The following MIPOL1 variants were observed in gnomAD, a reference collection of about 807,000 sequenced individuals.
The protein encoded by MIPOL1 is mirror-image polydactyly 1.
MIPOL1 carries 57 observed loss-of-function variants against 60.9 expected under a neutral mutation model. The observed-to-expected ratio is 0.94, with a 90% CI of 0.76 to 1.17. MIPOL1 has a LOEUF of 1.17. MIPOL1 is among the 50% of genes most tolerant of loss of function. The pLI is 0.00. For synonymous variants in MIPOL1, 179 were observed against 168.8 expected (o/e 1.06, Z -0.47); for missense variants, 551 against 511.6 (o/e 1.08, Z -0.74).
At chr14:37,545,805 C>G (rs1272695451) in intron 12 of MIPOL1, 1 of 521,446 alleles carries the variant, frequency 1.9e-6, no homozygotes, top group Non-Finnish European at 3.4e-6. Context: ...CTCATTCCTT[C>G]AGTGTCTAGC....
chr14:37,248,760 A>G (rs1411832592), intron 3 of MIPOL1, among the ~76,000 whole-genome samples: 1 of 152,130 alleles, frequency 6.6e-6, no homozygotes, highest in East Asian at 1.9e-4. Context: ...ACAGACATGT[A>G]TATATGCAGA....
intron 7 of MIPOL1, among the ~76,000 whole-genome samples, chr14:37,306,330 A>G (rs1411443992): frequency 6.6e-6 from 1 of 151,852 alleles, no homozygotes. Context: ...TCCTGGTCAT[A>G]TAAAATTCTT....
chr14:37,229,246 C>T (rs1970249966), intron 1 of MIPOL1, among the ~76,000 whole-genome samples: 1 of 152,106 alleles, frequency 6.6e-6, no homozygotes, highest in Non-Finnish European at 1.5e-5. Context: ...AACCTCCTCC[C>T]TGGCTCAAGT....
intron 3 of MIPOL1, among the ~76,000 whole-genome samples, chr14:37,248,145 A>G (rs1973475386): frequency 6.6e-6 from 1 of 151,924 alleles, no homozygotes; most frequent in African/African-American, 2.4e-5. Context: ...CAGAGGAGAC[A>G]CAGAAAAGAC....
intron 9 of MIPOL1, among the ~76,000 whole-genome samples, chr14:37,345,366 A>G (rs557766193): frequency 6.6e-6 from 1 of 152,274 alleles, no homozygotes; most frequent in Non-Finnish European, 1.5e-5. Flanking sequence ...TTGCCTCCCA[A>G]AGTTCTGGGA....
chr14:37,236,524 C>T (rs1276699313), intron 1 of MIPOL1, among the ~76,000 whole-genome samples: 1 of 151,908 alleles, frequency 6.6e-6, no homozygotes, highest in African/African-American at 2.4e-5. Flanking sequence ...GCAGCCTCTG[C>T]CTCCCGGGTT....
intron 11 of MIPOL1, among the ~76,000 whole-genome samples, chr14:37,469,709 A>G (rs1284857362): frequency 6.6e-6 from 1 of 152,182 alleles, no homozygotes; most frequent in East Asian, 1.9e-4. Context: ...CTCTGCCCTC[A>G]TGAATTGCTT....
At chr14:37,474,207 G>T (rs2153592245) in intron 11 of MIPOL1, among the ~76,000 whole-genome samples, 1 of 152,214 alleles carries the variant, frequency 6.6e-6, no homozygotes, top group East Asian at 1.9e-4. Context: ...GGGAAATTAT[G>T]AATAAAACTA....
At chr14:37,417,316 A>G (rs2093787921) in intron 10 of MIPOL1, among the ~76,000 whole-genome samples, 1 of 152,082 alleles carries the variant, frequency 6.6e-6, no homozygotes, top group Admixed American at 6.6e-5. Context: ...TCTCTCTCTC[A>G]TCATGTCAGA....
chr14:37,354,014 G>A (rs1288770496), intron 9 of MIPOL1, among the ~76,000 whole-genome samples: 1 of 150,964 alleles, frequency 6.6e-6, no homozygotes, highest in Non-Finnish European at 1.5e-5. Context: ...GTCAATTTTG[G>A]ATCTTTCCTG....
At chr14:37,470,950 T>A (rs562679286) in intron 11 of MIPOL1, among the ~76,000 whole-genome samples, 2 of 152,040 alleles carry the variant, frequency 1.3e-5, no homozygotes, top group African/African-American at 2.4e-5. Context: ...AAATGAGGGA[T>A]GTTGGGAGGT....
intron 9 of MIPOL1, among the ~76,000 whole-genome samples, chr14:37,360,784 AT>A (rs532349251): frequency 2.6e-5 from 4 of 152,072 alleles, no homozygotes; most frequent in Middle Eastern, 6.8e-3. Context: ...GGATTCATTG[AT>A]TTTTTTGAAG....
chr14:37,388,157 TA>T (rs556756255), intron 10 of MIPOL1, among the ~76,000 whole-genome samples: 38 of 145,262 alleles, frequency 2.6e-4, no homozygotes, highest in Middle Eastern at 3.6e-3. Flanking sequence ...TTAGAAAGGA[TA>T]AAAAAAAAAA....
chr14:37,302,262 G>GTTTTTTTT (rs57468146), intron 7 of MIPOL1, among the ~76,000 whole-genome samples: 18 of 95,024 alleles, frequency 1.9e-4, no homozygotes, highest in African/African-American at 2.3e-4. Flanking sequence ...TGGAACTGTT[G>GTTTTTTTT]TTTTTTTTTT....
chr14:37,216,959 A>C (rs1369699045), intron 1 of MIPOL1, among the ~76,000 whole-genome samples: 1 of 152,154 alleles, frequency 6.6e-6, no homozygotes, highest in Non-Finnish European at 1.5e-5. Flanking sequence ...ATTTTAATAA[A>C]AAATACAAAC....
chr14:37,282,538 G>A (rs944471765), intron 6 of MIPOL1, among the ~76,000 whole-genome samples: 5 of 151,730 alleles, frequency 3.3e-5, no homozygotes, highest in Non-Finnish European at 5.9e-5. Context: ...CCAGGAGTAC[G>A]AGACCAGCCT....
At chr14:37,226,560 A>G (rs1475245139) in intron 1 of MIPOL1, among the ~76,000 whole-genome samples, 1 of 152,102 alleles carries the variant, frequency 6.6e-6, no homozygotes. Flanking sequence ...CCACGATTCG[A>G]TTTTCTCCCA....
At chr14:37,214,464 G>T (rs1438727164) in intron 1 of MIPOL1, among the ~76,000 whole-genome samples, 1 of 152,146 alleles carries the variant, frequency 6.6e-6, no homozygotes, top group Non-Finnish European at 1.5e-5. Flanking sequence ...AAGCCACCCA[G>T]GTGCTGAGGC....
chr14:37,414,068 G>C (rs2093723663), intron 10 of MIPOL1, among the ~76,000 whole-genome samples: 1 of 152,044 alleles, frequency 6.6e-6, no homozygotes, highest in Non-Finnish European at 1.5e-5. Flanking sequence ...GTTTTCAGAA[G>C]TGTTGGAGTT....
Sources: allele counts gnomAD v4.1 joint callset (sites outside exome capture counted in the v4.1 genomes callset), GRCh38; gene constraint gnomAD v4.1.1; transcripts MANE v1.5; gene names NCBI Gene and HGNC (gene_info 2026-07-23, HGNC 2026-07-21).